Variants in SUSD1 observed in about 807,000 individuals in gnomAD.
The protein encoded by SUSD1 is sushi domain-containing protein 1.
In SUSD1, 65 loss-of-function variants were observed where a neutral mutation model predicts 86.9. The observed-to-expected ratio is 0.75, with a 90% CI of 0.61 to 0.92. The LOEUF (loss-of-function observed/expected upper bound fraction) is 0.92, where lower values mean the gene tolerates loss of function less well. Among genes scored for constraint, SUSD1 ranks in the 40% least tolerant of loss-of-function variants. The probability of loss-of-function intolerance (pLI) is 0.00; values close to 1 mark genes in which losing one functional copy is unlikely to be tolerated. For missense variants in SUSD1, 850 were observed against 929.7 expected (o/e 0.91, Z 1.11); for synonymous variants, 346 against 350.0 (o/e 0.99, Z 0.13).
At chr9:112,170,657 G>C (rs1169436199) in intron 1 of SUSD1, among the ~76,000 whole-genome samples, 2 of 149,804 alleles carry the variant, frequency 1.3e-5, no homozygotes, top group Non-Finnish European at 1.5e-5. Flanking sequence ...TGTTGCCAGT[G>C]ACAGACTGAA....
chr9:112,139,292 T>C (rs1832453896), intron 5 of SUSD1, among the ~76,000 whole-genome samples: 1 of 152,126 alleles, frequency 6.6e-6, no homozygotes, highest in South Asian at 2.1e-4. Flanking sequence ...TAGAGCAATT[T>C]CACTTATGAA....
At chr9:112,149,187 C>G (rs184191542) in intron 3 of SUSD1, 57 bp downstream of exon 3, 5 of 1,599,536 alleles carry the variant, frequency 3.1e-6, no homozygotes, top group Non-Finnish European at 3.4e-6. Flanking sequence ...AAATACACAG[C>G]CCAGATACTA....
At chr9:112,122,197 C>T (rs1287633469) in intron 6 of SUSD1, among the ~76,000 whole-genome samples, 3 of 152,148 alleles carry the variant, frequency 2.0e-5, no homozygotes, top group Non-Finnish European at 4.4e-5. Flanking sequence ...GACAGAGTCT[C>T]GCTCTATCCC....
chr9:112,065,972 T>C (rs999521527), intron 12 of SUSD1, among the ~76,000 whole-genome samples: 8 of 152,224 alleles, frequency 5.3e-5, no homozygotes, highest in Admixed American at 5.2e-4. Context: ...TTGCCTCTGC[T>C]GTTTCAACAA....
intron 1 of SUSD1, chr9:112,173,709 G>A: frequency 4.9e-6 from 2 of 408,036 alleles, no homozygotes; most frequent in Non-Finnish European, 4.7e-6. Flanking sequence ...GGCAAGAGCT[G>A]ACACCCTTTG....
intron 12 of SUSD1, among the ~76,000 whole-genome samples, chr9:112,073,901 A>C (rs1829400321): frequency 6.6e-6 from 1 of 151,912 alleles, no homozygotes; most frequent in Non-Finnish European, 1.5e-5. Flanking sequence ...AGACTGTCTC[A>C]AAAAAAGAAA....
intron 5 of SUSD1, among the ~76,000 whole-genome samples, chr9:112,130,080 A>G (rs1831949404): frequency 6.6e-6 from 1 of 152,194 alleles, no homozygotes; most frequent in South Asian, 2.1e-4. Flanking sequence ...TAATTTTAAT[A>G]ATAATAGCAT....
At chr9:112,142,632 C>G in intron 4 of SUSD1, 133 bp from the exon 5 acceptor site, 2 of 796,110 alleles carry the variant, frequency 2.5e-6, no homozygotes, top group Non-Finnish European at 3.9e-6. Flanking sequence ...CTGGTTCATT[C>G]CCACATGACT....
intron 11 of SUSD1, 85 bp downstream of exon 11, chr9:112,079,989 G>T (rs750097284): frequency 7.5e-5 from 69 of 918,864 alleles, no homozygotes; most frequent in Admixed American, 3.3e-4. Context: ...GATAGTTATA[G>T]ATGTAGATTT....
intron 8 of SUSD1, among the ~76,000 whole-genome samples, chr9:112,108,608 T>C (rs1411522239): frequency 6.6e-6 from 1 of 151,162 alleles, no homozygotes; most frequent in Non-Finnish European, 1.5e-5. Flanking sequence ...CAAAACCCTG[T>C]CTCTACAAAA....
At chr9:112,066,969 A>G (rs1027571516) in intron 12 of SUSD1, among the ~76,000 whole-genome samples, 1 of 152,188 alleles carries the variant, frequency 6.6e-6, no homozygotes, top group Non-Finnish European at 1.5e-5. Flanking sequence ...TCTGCCTCCC[A>G]GGTTCAAGCT....
At chr9:112,141,094 AG>A (rs1832542454) in intron 5 of SUSD1, among the ~76,000 whole-genome samples, 2 of 152,250 alleles carry the variant, frequency 1.3e-5, no homozygotes, top group Non-Finnish European at 2.9e-5. Context: ...GTGAATGTGA[AG>A]GCCTAGGACA....
intron 5 of SUSD1, among the ~76,000 whole-genome samples, chr9:112,137,008 G>C (rs1832294283): frequency 1.3e-5 from 2 of 152,010 alleles, no homozygotes; most frequent in South Asian, 4.1e-4. Flanking sequence ...ACACTGACTG[G>C]GGCTGCCTTC....
chr9:112,112,948 C>T, intron 6 of SUSD1, 80 bp from the exon 7 acceptor site: 2 of 812,482 alleles, frequency 2.5e-6, no homozygotes, highest in Non-Finnish European at 2.1e-6. Context: ...AGTCTCTCTG[C>T]ATAGCTGGTA....
chr9:112,060,270 T>C (rs920393363), intron 13 of SUSD1, among the ~76,000 whole-genome samples: 2 of 152,142 alleles, frequency 1.3e-5, no homozygotes, highest in Non-Finnish European at 2.9e-5. Flanking sequence ...TTCTTTTCTT[T>C]TCTTTTTTAA....
At chr9:112,092,825 C>A (rs1286455521) in intron 10 of SUSD1, among the ~76,000 whole-genome samples, 1 of 151,850 alleles carries the variant, frequency 6.6e-6, no homozygotes, top group Admixed American at 6.6e-5. Flanking sequence ...TCAAAAACAT[C>A]GTAAACAAAA....
intron 9 of SUSD1, among the ~76,000 whole-genome samples, chr9:112,101,156 G>A (rs1258509588): frequency 6.6e-6 from 1 of 152,008 alleles, no homozygotes; most frequent in Non-Finnish European, 1.5e-5. Flanking sequence ...GAGGTCAGGA[G>A]TTTGAGACCA....
chr9:112,137,308 G>T (rs1157439421), intron 5 of SUSD1, among the ~76,000 whole-genome samples: 3 of 152,014 alleles, frequency 2.0e-5, no homozygotes, highest in African/African-American at 7.2e-5. Flanking sequence ...AGCGGGCAGA[G>T]GGAGCAGTTA....
At chr9:112,104,952 T>A (rs1830776179) in intron 8 of SUSD1, 1 of 151,990 alleles carries the variant, frequency 6.6e-6, no homozygotes, top group South Asian at 2.1e-4. Flanking sequence ...AGCAAAAGAA[T>A]GGTAAAATTA....
Sources: allele counts gnomAD v4.1 joint callset (sites outside exome capture counted in the v4.1 genomes callset), GRCh38; gene constraint gnomAD v4.1.1; transcripts MANE v1.5; gene names NCBI Gene and HGNC (gene_info 2026-07-23, HGNC 2026-07-21).